Variants in PLXDC2 observed in about 807,000 individuals in gnomAD.
PLXDC2 encodes the protein plexin domain-containing protein 2.
Under a neutral mutation model 68.9 loss-of-function variants are expected in PLXDC2, and 40 were observed. The ratio of observed to expected loss-of-function variants is 0.58; its 90% confidence interval spans 0.45 to 0.76. PLXDC2 has a LOEUF of 0.76. PLXDC2 is among the 30% of genes least tolerant of loss of function. PLXDC2 has a pLI of 0.00. For missense variants in PLXDC2, 644 were observed against 661.9 expected (o/e 0.97, Z 0.30); for synonymous variants, 243 against 234.2 (o/e 1.04, Z -0.34).
rs1293268303 is a variant in PLXDC2, at chr10:20,288,481, A to G, written c.*8662A>G. On this transcript the variant is annotated 3_prime_UTR_variant, in exon 14 of 14. Transcript: ENST00000377252. ...CAAATGTAAAAATGATTGTATCTGA[A>G]TCTGCACTAATGGTGTCTGAGAGCA... The G allele has an allele frequency of 6.6e-6, 1 of 151,928 alleles. No individual in the cohort carries two copies. Among genetic ancestry groups the G allele is most frequent in the Non-Finnish European group, 1.5e-5 (1 of 67,982 alleles). 9.4% of individuals were successfully genotyped at this position (151,928 alleles called of 1,614,324 possible).
At chr10:20,261,523 A>C (rs556107479) in intron 13 of PLXDC2, among the ~76,000 whole-genome samples, 33 of 152,210 alleles carry the variant, frequency 2.2e-4, no homozygotes, top group Non-Finnish European at 4.4e-4. Context: ...GCAAAAGAAA[A>C]TTTTGGACAT....
At chr10:19,873,316 T>C (rs1837574901) in intron 1 of PLXDC2, among the ~76,000 whole-genome samples, 2 of 152,168 alleles carry the variant, frequency 1.3e-5, no homozygotes, top group Non-Finnish European at 2.9e-5. Context: ...GTTTGTTTTG[T>C]TTTGTGGATT....
intron 4 of PLXDC2, among the ~76,000 whole-genome samples, chr10:20,139,963 C>T (rs758751196): frequency 2.0e-5 from 3 of 152,082 alleles, no homozygotes; most frequent in African/African-American, 4.8e-5. Context: ...TGTAACAAAC[C>T]TGCACGTTCT....
intron 4 of PLXDC2, among the ~76,000 whole-genome samples, chr10:20,099,675 G>T (rs1251497555): frequency 6.6e-6 from 1 of 152,156 alleles, no homozygotes; most frequent in Non-Finnish European, 1.5e-5. Flanking sequence ...ATCAGAAAAT[G>T]TTTTCACAGA....
At chr10:20,153,762 A>T (rs1222800366) in intron 6 of PLXDC2, among the ~76,000 whole-genome samples, 1 of 152,220 alleles carries the variant, frequency 6.6e-6, no homozygotes, top group Non-Finnish European at 1.5e-5. Flanking sequence ...TAACTTTTCC[A>T]AAGATATGGA....
chr10:20,266,281 G>A (rs1238076583), intron 13 of PLXDC2, among the ~76,000 whole-genome samples: 1 of 150,872 alleles, frequency 6.6e-6, no homozygotes, highest in Non-Finnish European at 1.5e-5. Flanking sequence ...AAAATTTTGA[G>A]CAAAGTAAAA....
rs1836132213 is a variant in PLXDC2, at chr10:20,284,918, TC to T, written c.*5100del. ...GCTATTGTTGCAATATCCAGAGATT[TC>T]AAGTTCTAGCCATTGCGGGGTCTTT... is the stretch of plus-strand genomic sequence containing the variant. On this transcript the variant is annotated 3_prime_UTR_variant, in exon 14 of 14. Transcript: ENST00000377252. The T allele has an allele frequency of 6.6e-6, 1 of 152,232 alleles. No homozygotes were observed. Among genetic ancestry groups the T allele is most frequent in the African/African-American group, 2.4e-5 (1 of 41,464 alleles). 9.4% of individuals were successfully genotyped at this position (152,232 alleles called of 1,614,324 possible).
chr10:20,057,159 A>G (rs1836013369), intron 3 of PLXDC2, among the ~76,000 whole-genome samples: 1 of 152,192 alleles, frequency 6.6e-6, no homozygotes, highest in Admixed American at 6.6e-5. Flanking sequence ...TCTCATCCTA[A>G]AGTTATTAAA....
At chr10:19,927,939 C>T (rs1833565949) in intron 1 of PLXDC2, among the ~76,000 whole-genome samples, 2 of 152,004 alleles carry the variant, frequency 1.3e-5, no homozygotes, top group South Asian at 4.1e-4. Flanking sequence ...TTTTTCATCC[C>T]TCACCTCCCC....
At chr10:19,959,945 A>G (rs1834129235) in intron 1 of PLXDC2, among the ~76,000 whole-genome samples, 1 of 152,162 alleles carries the variant, frequency 6.6e-6, no homozygotes, top group Admixed American at 6.5e-5. Flanking sequence ...GTGCTGTACT[A>G]TGTGGCACAG....
At chr10:20,113,541 T>C (rs1833584648) in intron 4 of PLXDC2, among the ~76,000 whole-genome samples, 1 of 152,204 alleles carries the variant, frequency 6.6e-6, no homozygotes, top group Non-Finnish European at 1.5e-5. Context: ...GTTCCTGAGA[T>C]AGACAGCGAA....
At chr10:20,224,600 A>G (rs1234620878) in intron 12 of PLXDC2, among the ~76,000 whole-genome samples, 1 of 152,188 alleles carries the variant, frequency 6.6e-6, no homozygotes, top group Non-Finnish European at 1.5e-5. Context: ...AATCAATGGC[A>G]GGATTTTTAA....
chr10:19,962,475 C>T (rs1424154365), intron 1 of PLXDC2, among the ~76,000 whole-genome samples: 6 of 146,236 alleles, frequency 4.1e-5, no homozygotes, highest in African/African-American at 1.5e-4. Context: ...ACTGCACGCT[C>T]CGCCTCGAGG....
chr10:20,120,054 A>C (rs539434618), intron 4 of PLXDC2, among the ~76,000 whole-genome samples: 4,464 of 152,210 alleles, frequency 0.029, 157 homozygotes, highest in African/African-American at 0.087. Flanking sequence ...AGGAGATATC[A>C]GCTGTGATGG....
At chr10:19,876,555 T>C (rs921015077) in intron 1 of PLXDC2, among the ~76,000 whole-genome samples, 11 of 139,758 alleles carry the variant, frequency 7.9e-5, no homozygotes, top group African/African-American at 2.7e-4. Flanking sequence ...TGAGCTGAGA[T>C]TGTGCCACTG....
chr10:19,973,310 T>A (rs1589564199), intron 1 of PLXDC2, among the ~76,000 whole-genome samples: 2 of 58,672 alleles, frequency 3.4e-5, no homozygotes, highest in Admixed American at 2.5e-4. Context: ...ATATATATAC[T>A]CACATATATA....
intron 1 of PLXDC2, among the ~76,000 whole-genome samples, chr10:19,980,746 G>A (rs1834538144): frequency 6.6e-6 from 1 of 152,138 alleles, no homozygotes; most frequent in South Asian, 2.1e-4. Context: ...AACCTTATAG[G>A]ATCAGAGATC....
intron 3 of PLXDC2, 132 bp from the exon 4 acceptor site, chr10:20,068,038 G>T: frequency 2.8e-6 from 2 of 712,268 alleles, no homozygotes; most frequent in Non-Finnish European, 4.5e-6. Flanking sequence ...GAGGACTCAG[G>T]TTTTAAAAGA....
intron 5 of PLXDC2, among the ~76,000 whole-genome samples, chr10:20,147,113 G>A (rs893769237): frequency 2.0e-5 from 3 of 152,080 alleles, no homozygotes; most frequent in South Asian, 4.2e-4. Flanking sequence ...ATGCCCAATC[G>A]TTTATGGTAA....
Sources: gnomAD v4.1 joint callset for allele counts (sites outside exome capture counted in the v4.1 genomes callset) on GRCh38, gnomAD v4.1.1 for gene constraint, MANE v1.5 for transcripts, NCBI Gene and HGNC (gene_info 2026-07-23, HGNC 2026-07-21) for gene names.